The following EXOC4 variants were observed in gnomAD, a reference collection of about 807,000 sequenced individuals.
The protein encoded by EXOC4 is exocyst complex component 4.
EXOC4 carries 71 observed loss-of-function variants against 107.2 expected under a neutral mutation model. That is an observed-to-expected ratio of 0.66 (90% CI 0.55 to 0.81). EXOC4 has a LOEUF of 0.81. Ranked by LOEUF, EXOC4 falls within the 30% of genes least tolerant of loss-of-function variation. The probability of loss-of-function intolerance (pLI) is 0.00; values close to 1 mark genes in which losing one functional copy is unlikely to be tolerated. For synonymous variants in EXOC4, 456 were observed against 441.2 expected, an observed-to-expected ratio of 1.03 and a Z score of -0.42; for missense variants, 1,108 against 1,189.6, an observed-to-expected ratio of 0.93 and a Z score of 1.01.
At chr7:134,046,244 G>A (rs1432010420) in intron 17 of EXOC4, among the ~76,000 whole-genome samples, 2 of 152,144 alleles carry the variant, frequency 1.3e-5, no homozygotes, top group East Asian at 3.9e-4. Context: ...CACGTTGGGA[G>A]GCTGAGACAG....
chr7:133,977,899 A>G (rs994737063), intron 14 of EXOC4, among the ~76,000 whole-genome samples: 35 of 152,152 alleles, frequency 2.3e-4, no homozygotes, highest in African/African-American at 8.5e-4. Context: ...ATGGAGACTG[A>G]AAAATGTTAA....
At chr7:133,297,785 A>G (rs890910777) in intron 3 of EXOC4, among the ~76,000 whole-genome samples, 2 of 152,212 alleles carry the variant, frequency 1.3e-5, no homozygotes, top group Non-Finnish European at 2.9e-5. Flanking sequence ...CAGCATTTCT[A>G]TTCTGGTGCT....
At chr7:133,638,576 T>C (rs7805841) in intron 10 of EXOC4, among the ~76,000 whole-genome samples, 150,411 of 152,270 alleles carry the variant, frequency 0.99, 74,320 homozygotes, top group Middle Eastern at 1. Flanking sequence ...GTTAGACGAA[T>C]GCCACCCCTC....
intron 11 of EXOC4, among the ~76,000 whole-genome samples, chr7:133,847,443 G>C (rs889930919): frequency 3.3e-5 from 5 of 150,046 alleles, no homozygotes; most frequent in Non-Finnish European, 7.4e-5. Flanking sequence ...CAGTGGCGCG[G>C]TCTCTGCTGA....
intron 17 of EXOC4, among the ~76,000 whole-genome samples, chr7:134,034,088 TC>T (rs1215777043): frequency 6.6e-6 from 1 of 152,102 alleles, no homozygotes; most frequent in Non-Finnish European, 1.5e-5. Flanking sequence ...AGAGACTTGA[TC>T]CAGCTCAGAA....
intron 7 of EXOC4, among the ~76,000 whole-genome samples, chr7:133,376,782 C>G (rs952769044): frequency 3.3e-5 from 5 of 152,092 alleles, no homozygotes; most frequent in Admixed American, 3.3e-4. Flanking sequence ...TCAGAAAGGT[C>G]ACACCTTATG....
chr7:133,729,317 T>G (rs374473431), intron 10 of EXOC4, among the ~76,000 whole-genome samples: 8 of 152,138 alleles, frequency 5.3e-5, no homozygotes, highest in Non-Finnish European at 1.0e-4. Context: ...AAAAATGTTA[T>G]TTTTTTGAGA....
chr7:133,421,886 T>C (rs986070349), intron 7 of EXOC4, among the ~76,000 whole-genome samples: 1 of 152,204 alleles, frequency 6.6e-6, no homozygotes, highest in African/African-American at 2.4e-5. Flanking sequence ...CAGGATACTT[T>C]AGAAATACCA....
At chr7:133,919,986 T>A (rs1799902575) in intron 13 of EXOC4, among the ~76,000 whole-genome samples, 1 of 152,230 alleles carries the variant, frequency 6.6e-6, no homozygotes, top group African/African-American at 2.4e-5. Flanking sequence ...AGTGGTTGTA[T>A]CATTTCACAT....
chr7:133,388,740 A>C lies in EXOC4; in HGVS notation c.1182+13738A>C, dbSNP rs1337912076. ...TCCAGTTGTCTCAAATATTATAATT[A>C]TTTTTTACATTTTGTTTGAATCAGG... is the stretch of plus-strand genomic sequence containing the variant. On this transcript the variant is annotated intron_variant, in intron 7 of 17. Transcript: ENST00000253861. Among the ~76,000 whole-genome samples, 3 of 152,134 alleles carry C rather than the reference A, an allele frequency of 2.0e-5. No individual in the cohort carries two copies. In the East Asian group the frequency reaches 5.8e-4, roughly 29 times the overall value.
At chr7:133,379,968 A>G (rs1796576367) in intron 7 of EXOC4, among the ~76,000 whole-genome samples, 1 of 152,104 alleles carries the variant, frequency 6.6e-6, no homozygotes, top group African/African-American at 2.4e-5. Flanking sequence ...AATGAGTTAT[A>G]CGTTTCATAC....
chr7:133,877,013 T>A (rs1798863654), intron 11 of EXOC4, among the ~76,000 whole-genome samples: 1 of 152,162 alleles, frequency 6.6e-6, no homozygotes, highest in South Asian at 2.1e-4. Flanking sequence ...TTATATTTTC[T>A]CTGCACCCCC....
chr7:133,567,648 T>G (rs1420297689), intron 9 of EXOC4, among the ~76,000 whole-genome samples: 2 of 152,152 alleles, frequency 1.3e-5, no homozygotes, highest in African/African-American at 4.8e-5. Flanking sequence ...ATAGACTGGA[T>G]AATTTATAAA....
At chr7:133,438,070 A>G (rs1377083823) in intron 7 of EXOC4, among the ~76,000 whole-genome samples, 2 of 152,206 alleles carry the variant, frequency 1.3e-5, no homozygotes, top group Non-Finnish European at 2.9e-5. Flanking sequence ...GCTAACTCTA[A>G]CAAGATACTT....
At chr7:133,921,464 A>AGT (rs1164232097) in intron 13 of EXOC4, among the ~76,000 whole-genome samples, 1 of 152,132 alleles carries the variant, frequency 6.6e-6, no homozygotes, top group Non-Finnish European at 1.5e-5. Flanking sequence ...TAAACATCAC[A>AGT]ACTGAGGATT....
At chr7:133,414,724 T>C (rs1051102643) in intron 7 of EXOC4, among the ~76,000 whole-genome samples, 2 of 152,148 alleles carry the variant, frequency 1.3e-5, no homozygotes, top group Admixed American at 6.6e-5. Flanking sequence ...ATATGTGATA[T>C]AGTGATTGTC....
chr7:133,281,544 A>G (rs1794142397), intron 2 of EXOC4, among the ~76,000 whole-genome samples: 1 of 151,934 alleles, frequency 6.6e-6, no homozygotes. Flanking sequence ...TTCATTTACT[A>G]TCCTTGACTC....
At chr7:134,066,377 G>C (rs965020535), downstream of EXOC4, 2 of 152,190 alleles carry the variant, frequency 1.3e-5, no homozygotes, top group Admixed American at 6.5e-5. Flanking sequence ...CATGGGTTTG[G>C]ATTGAGCAGA....
At chr7:133,292,846 T>G in intron 3 of EXOC4, among the ~76,000 whole-genome samples, 1 of 152,194 alleles carries the variant, frequency 6.6e-6, no homozygotes, top group African/African-American at 2.4e-5. Context: ...GCTAAATGGG[T>G]GACTATGTGG....
Sources: gnomAD v4.1 joint callset for allele counts (sites outside exome capture counted in the v4.1 genomes callset) on GRCh38, gnomAD v4.1.1 for gene constraint, MANE v1.5 for transcripts, NCBI Gene and HGNC (gene_info 2026-07-23, HGNC 2026-07-21) for gene names.